The following TRABD2B variants were observed in gnomAD, a reference collection of about 807,000 sequenced individuals.
TRABD2B encodes TraB domain containing 2B, also known as metalloprotease TIKI2.
A neutral mutation model predicts 40.1 loss-of-function variants in TRABD2B; 14 were observed. The ratio of observed to expected loss-of-function variants is 0.35; its 90% CI spans 0.23 to 0.55. The LOEUF (loss-of-function observed/expected upper bound fraction) is 0.55, where lower values mean the gene tolerates loss of function less well. TRABD2B is among the 20% of genes least tolerant of loss of function. The pLI is 0.90. For synonymous variants in TRABD2B, 263 were observed against 277.0 expected, an observed-to-expected ratio of 0.95 and a Z score of 0.50; for missense variants, 541 against 648.6, an observed-to-expected ratio of 0.83 and a Z score of 1.80.
chr1:47,800,275 G>A (rs1644804569), intron 3 of TRABD2B, among the ~76,000 whole-genome samples: 1 of 152,230 alleles, frequency 6.6e-6, no homozygotes, highest in Non-Finnish European at 1.5e-5. Flanking sequence ...TGAGAGTGTG[G>A]TCATGCAGGC....
rs761130120 is a variant in TRABD2B, at chr1:47,994,633, G to C, written c.103-36C>G. On this transcript the variant is annotated intron_variant, in intron 1 of 6. Transcript: ENST00000606738. This position sits in a 1 kb window ranked among gnomAD's most constrained non-coding sequence, Gnocchi z 6.7. ...AGAGAAGAGGCAAGGCAGTGAGGCC[G>C]AAGGCAACAGAGTAGAGTCAGGGTA... 3.3e-6 allele frequency: 5 copies of C among 1,508,868 alleles called. No individual in the cohort carries two copies. In the African/African-American group the frequency reaches 6.9e-5, roughly 21 times the overall value. 93.5% of individuals were successfully genotyped at this position (1,508,868 alleles called of 1,614,324 possible). A position where few individuals can be genotyped will look rare whatever the true frequency, so the allele number is the denominator to read the frequency against.
chr1:47,771,114 G>T (rs938279168), intron 6 of TRABD2B, among the ~76,000 whole-genome samples: 2 of 152,108 alleles, frequency 1.3e-5, no homozygotes, highest in African/African-American at 4.8e-5. Context: ...ATCTGATGGG[G>T]TCCTGTCCTC....
intron 2 of TRABD2B, among the ~76,000 whole-genome samples, chr1:47,881,650 T>A (rs1167934864): frequency 6.6e-6 from 1 of 152,214 alleles, no homozygotes; most frequent in Non-Finnish European, 1.5e-5. Context: ...TGTATCCTCG[T>A]AAGTCTGTGG....
chr1:47,826,205 G>A (rs1645171493), intron 2 of TRABD2B, among the ~76,000 whole-genome samples: 1 of 152,162 alleles, frequency 6.6e-6, no homozygotes, highest in Non-Finnish European at 1.5e-5. Flanking sequence ...CTGAGCCACA[G>A]ACTTAACTGT....
At chr1:47,927,583 A>T (rs1644986218) in intron 2 of TRABD2B, among the ~76,000 whole-genome samples, 1 of 152,126 alleles carries the variant, frequency 6.6e-6, no homozygotes, top group African/African-American at 2.4e-5. Context: ...CAGCAGAAAA[A>T]CACTGAGGCC....
rs1644295595 is a variant in TRABD2B, at chr1:47,765,920, A to G, written c.1536T>C (p.His512=). The part of the protein sequence containing the change: ...ATTIAVCFLL[H]SLGPS ...GCCGAGGTCAGGAGGGCCCAAGGCT[A>G]TGCAGCAGGAAGCAGACAGCGATGG... The change falls in exon 7 of 7, where the codon CAT becomes CAC. Residue 512 remains histidine, a synonymous_variant. Transcript: ENST00000606738. 4 of 702,856 alleles carry G rather than the reference A, an allele frequency of 5.7e-6. No individual in the cohort carries two copies. Among genetic ancestry groups the G allele is most frequent in the Non-Finnish European group, 1.0e-5 (4 of 384,984 alleles). 43.5% of individuals were successfully genotyped at this position (702,856 alleles called of 1,614,324 possible).
At chr1:47,814,035 A>G (rs1267511858) in intron 2 of TRABD2B, among the ~76,000 whole-genome samples, 2 of 152,266 alleles carry the variant, frequency 1.3e-5, no homozygotes, top group East Asian at 3.8e-4. Flanking sequence ...GGGGGACCAC[A>G]AACAGGATTC....
intron 2 of TRABD2B, among the ~76,000 whole-genome samples, chr1:47,852,467 A>C (rs1463243721): frequency 6.6e-6 from 1 of 152,170 alleles, no homozygotes; most frequent in Non-Finnish European, 1.5e-5. Context: ...CGTTTCAGAG[A>C]GCTGGAAGCA....
chr1:47,979,081 G>C (rs1048980327), intron 2 of TRABD2B, among the ~76,000 whole-genome samples: 5 of 152,156 alleles, frequency 3.3e-5, no homozygotes, highest in African/African-American at 1.2e-4. Context: ...GCTCTCAGTG[G>C]TCACGGCCTC....
At position 47,974,673 on chromosome 1, in the gene TRABD2B, T is replaced by C. The variant is rs149260288; in HGVS notation, c.666+19361A>G. ...AGACTGAGCCTTCAAAACGCACTTG[T>C]TAACGACAGAGCAGTTAACTCCCCA... On this transcript the variant is annotated intron_variant, in intron 2 of 6. Transcript: ENST00000606738. 4.6e-5 allele frequency among the ~76,000 whole-genome samples: 7 copies of C among 152,334 alleles called. No homozygotes were observed. The South Asian group carries it at 1.5e-3, about 32-fold the overall frequency.
At chr1:47,787,281 C>T (rs1293517130) in intron 4 of TRABD2B, among the ~76,000 whole-genome samples, 1 of 152,146 alleles carries the variant, frequency 6.6e-6, no homozygotes, top group African/African-American at 2.4e-5. Flanking sequence ...GTCACTCAAA[C>T]CTCTGTTAGA....
chr1:47,990,484 A>G (rs1412896231), intron 2 of TRABD2B, among the ~76,000 whole-genome samples: 1 of 152,062 alleles, frequency 6.6e-6, no homozygotes, highest in African/African-American at 2.4e-5. Flanking sequence ...ACGTTCAACA[A>G]GGGATGACGA....
At chr1:47,794,119 A>G (rs1644712274) in intron 4 of TRABD2B, among the ~76,000 whole-genome samples, 1 of 152,230 alleles carries the variant, frequency 6.6e-6, no homozygotes, top group Non-Finnish European at 1.5e-5. Flanking sequence ...CATTTATATA[A>G]GAAAGAATTG....
chr1:47,776,557 A>C (rs1644449859), intron 5 of TRABD2B, among the ~76,000 whole-genome samples: 1 of 152,170 alleles, frequency 6.6e-6, no homozygotes, highest in South Asian at 2.1e-4. Flanking sequence ...AGGGGCATAC[A>C]CGTGCACCGC....
intron 4 of TRABD2B, among the ~76,000 whole-genome samples, chr1:47,783,312 C>A (rs1313587801): frequency 6.6e-6 from 1 of 151,402 alleles, no homozygotes; most frequent in African/African-American, 2.4e-5. Flanking sequence ...CAAAGAGATA[C>A]AAAGACACAG....
chr1:47,768,333 G>T (rs1281126242), intron 6 of TRABD2B, among the ~76,000 whole-genome samples: 2 of 152,002 alleles, frequency 1.3e-5, no homozygotes, highest in African/African-American at 4.8e-5. Flanking sequence ...GTGGAAGTGG[G>T]GGGGGAGGGC....
intron 2 of TRABD2B, among the ~76,000 whole-genome samples, chr1:47,829,353 G>A (rs1051486415): frequency 2.0e-5 from 3 of 152,046 alleles, no homozygotes; most frequent in Admixed American, 6.5e-5. Context: ...GGCTGTGAGC[G>A]GAGCCCAAGT....
Position 47,838,429 on chromosome 1 carries a change from C to T in TRABD2B, c.667-36810G>A, listed in dbSNP as rs182475064. On this transcript the variant is annotated intron_variant, in intron 2 of 6. Transcript: ENST00000606738. The stretch of plus-strand genomic sequence containing the variant: ...AGCAGGGTCTGCAGCCCAAGAAGAG[C>T]GGCTGCAGCTCATGTCTGAGGTTCC... Among the ~76,000 whole-genome samples, 89 of 152,280 alleles carry T rather than the reference C, an allele frequency of 5.8e-4. 2 individuals are homozygous for T. In the East Asian group the frequency reaches 0.014, roughly 24 times the overall value.
At chr1:47,993,811 A>G (rs149541848) in intron 2 of TRABD2B, among the ~76,000 whole-genome samples, 1 of 152,368 alleles carries the variant, frequency 6.6e-6, no homozygotes, top group East Asian at 1.9e-4. Flanking sequence ...CTGAAATAGA[A>G]GCAAACACGC....
Sources: allele counts gnomAD v4.1 joint callset (sites outside exome capture counted in the v4.1 genomes callset), GRCh38; gene constraint gnomAD v4.1.1; non-coding constraint Gnocchi (gnomAD v3.1); transcripts MANE v1.5; gene names NCBI Gene and HGNC (gene_info 2026-07-23, HGNC 2026-07-21).